The following LRFN5 variants were observed in gnomAD, a reference collection of about 807,000 sequenced individuals.
The protein encoded by LRFN5 is leucine-rich repeat and fibronectin type-III domain-containing protein 5.
In LRFN5, 24 loss-of-function variants were observed where a neutral mutation model predicts 45.6. The ratio of observed to expected loss-of-function variants is 0.53; its 90% CI spans 0.38 to 0.74. The LOEUF is 0.74. LRFN5 is among the 30% of genes least tolerant of loss of function. The pLI is 0.00. For missense variants in LRFN5, 776 were observed against 861.5 expected (o/e 0.90, Z 1.24); for synonymous variants, 340 against 313.8 (o/e 1.08, Z -0.88).
At chr14:41,749,781 A>G (rs1190011869) in intron 1 of LRFN5, among the ~76,000 whole-genome samples, 1 of 152,140 alleles carries the variant, frequency 6.6e-6, no homozygotes, top group Non-Finnish European at 1.5e-5. Flanking sequence ...CTGTGTAACA[A>G]TCCTTCATAT....
At chr14:41,692,369 T>C (rs1274400939) in intron 1 of LRFN5, among the ~76,000 whole-genome samples, 1 of 152,106 alleles carries the variant, frequency 6.6e-6, no homozygotes, top group South Asian at 2.1e-4. Context: ...ATTAAAGATA[T>C]ATACAGTAGA....
chr14:41,894,405 T>C (rs528246052), intron 4 of LRFN5: 1 of 867,122 alleles, frequency 1.2e-6, no homozygotes, highest in Admixed American at 6.2e-5. Flanking sequence ...AATAATTTAA[T>C]GTGATTTAAT....
chr14:41,627,053 A>T (rs1470162118), intron 1 of LRFN5, among the ~76,000 whole-genome samples: 2 of 152,136 alleles, frequency 1.3e-5, no homozygotes, highest in Non-Finnish European at 2.9e-5. Flanking sequence ...AAACTTGATC[A>T]ACAGTATAAA....
In LRFN5 at chr14:41,759,917, C is replaced by T. The variant is rs189896769; in HGVS notation, c.-196-6937C>T. Among the ~76,000 whole-genome samples, 121 of 152,242 alleles carry T rather than the reference C, an allele frequency of 7.9e-4. 1 individual carries two copies. The highest frequency in any genetic ancestry group is 1.5e-3 in the Non-Finnish European group (102 of 68,022). The stretch of plus-strand genomic sequence containing the variant: ...TAAGTCCGCCCTAAGGCAGATGATG[C>T]GCTATTATGTAAATTTTCATGCAGT... On this transcript the variant is annotated intron_variant, in intron 1 of 5. Transcript: ENST00000298119.
At chr14:41,729,290 ACCTCCCTTATTTCTCTCTCTTGCTC>A (rs1029358078) in intron 1 of LRFN5, among the ~76,000 whole-genome samples, 1 of 151,402 alleles carries the variant, frequency 6.6e-6, no homozygotes, top group Non-Finnish European at 1.5e-5. Context: ...AGAGTGTAGC[ACCTCCCTTATTTCTCTCTCTTGCTC>A]CCATTCTTGC....
chr14:41,735,022 GTTCT>G (rs1319806724), intron 1 of LRFN5, among the ~76,000 whole-genome samples: 3 of 151,814 alleles, frequency 2.0e-5, no homozygotes, highest in African/African-American at 4.8e-5. Context: ...GTTTTTAATA[GTTCT>G]TTCTTTAAAC....
chr14:41,703,795 T>C (rs1882935538), intron 1 of LRFN5, among the ~76,000 whole-genome samples: 1 of 152,164 alleles, frequency 6.6e-6, no homozygotes, highest in South Asian at 2.1e-4. Context: ...GTAAGTATTT[T>C]ATCAGCATTA....
chr14:41,865,752 A>G (rs570153373), intron 2 of LRFN5, among the ~76,000 whole-genome samples: 7 of 152,344 alleles, frequency 4.6e-5, no homozygotes, highest in Middle Eastern at 3.4e-3. Flanking sequence ...CTCTTTGGCT[A>G]TAACCATTCT....
chr14:41,881,749 A>G (rs1890388812), intron 2 of LRFN5, among the ~76,000 whole-genome samples: 1 of 152,100 alleles, frequency 6.6e-6, no homozygotes, highest in African/African-American at 2.4e-5. Flanking sequence ...CTTCAATTAC[A>G]TTTATACTTT....
At chr14:41,791,590 G>A (rs1024175372) in intron 2 of LRFN5, among the ~76,000 whole-genome samples, 1 of 152,034 alleles carries the variant, frequency 6.6e-6, no homozygotes, top group African/African-American at 2.4e-5. Context: ...TTTCAAGACT[G>A]AATAGTACTT....
intron 1 of LRFN5, among the ~76,000 whole-genome samples, chr14:41,751,354 C>T (rs537935033): frequency 2.6e-5 from 4 of 151,702 alleles, no homozygotes; most frequent in South Asian, 4.2e-4. Context: ...TTACAGCTCC[C>T]GTGGTCAAGC....
intron 1 of LRFN5, among the ~76,000 whole-genome samples, chr14:41,754,206 G>A (rs959758175): frequency 2.7e-4 from 41 of 152,148 alleles, no homozygotes; most frequent in African/African-American, 8.7e-4. Flanking sequence ...GTTCATCGGG[G>A]ATATTGGTCT....
chr14:41,839,679 A>G (rs1888791539), intron 2 of LRFN5, among the ~76,000 whole-genome samples: 1 of 152,182 alleles, frequency 6.6e-6, no homozygotes, highest in African/African-American at 2.4e-5. Context: ...TTTGTGAGAA[A>G]GACAGCTCAA....
At chr14:41,694,288 T>C (rs1037633521) in intron 1 of LRFN5, among the ~76,000 whole-genome samples, 2 of 151,970 alleles carry the variant, frequency 1.3e-5, no homozygotes, top group Non-Finnish European at 2.9e-5. Flanking sequence ...ACTTATTCCT[T>C]CTATCTAGCT....
At chr14:41,899,416 T>C (rs969806374) in intron 5 of LRFN5, among the ~76,000 whole-genome samples, 8 of 152,300 alleles carry the variant, frequency 5.3e-5, no homozygotes, top group Admixed American at 3.9e-4. Context: ...TTATCTAAAA[T>C]GAATGAAGCC....
intron 2 of LRFN5, among the ~76,000 whole-genome samples, chr14:41,841,667 C>T (rs916687345): frequency 5.9e-5 from 9 of 151,376 alleles, no homozygotes; most frequent in African/African-American, 1.9e-4. Context: ...TGAATAAAGT[C>T]CTTTGAACAT....
intron 1 of LRFN5, among the ~76,000 whole-genome samples, chr14:41,628,859 T>C (rs1029832514): frequency 1.1e-4 from 16 of 152,136 alleles, no homozygotes; most frequent in African/African-American, 3.6e-4. Flanking sequence ...AACATCAGAC[T>C]CACCTTCTTT....
intron 1 of LRFN5, among the ~76,000 whole-genome samples, chr14:41,640,406 A>T (rs564587769): frequency 2.0e-5 from 3 of 152,256 alleles, no homozygotes; most frequent in African/African-American, 7.2e-5. Flanking sequence ...ATATTCGTGT[A>T]GCTCTACATG....
intron 2 of LRFN5, among the ~76,000 whole-genome samples, chr14:41,797,503 C>G (rs1282812446): frequency 6.6e-6 from 1 of 151,488 alleles, no homozygotes; most frequent in Non-Finnish European, 1.5e-5. Context: ...TTACCTAATA[C>G]CTTATTGGAA....
Sources: allele counts gnomAD v4.1 joint callset (sites outside exome capture counted in the v4.1 genomes callset), GRCh38; gene constraint gnomAD v4.1.1; transcripts MANE v1.5; gene names NCBI Gene and HGNC (gene_info 2026-07-23, HGNC 2026-07-21).